The following CEMIP variants were observed in gnomAD, a reference collection of about 807,000 sequenced individuals.
CEMIP encodes the protein cell migration inducing hyaluronidase 1, also known as cell migration-inducing and hyaluronan-binding protein.
Under a neutral mutation model 156.9 loss-of-function variants are expected in CEMIP, and 105 were observed. That is an observed-to-expected ratio of 0.67 (90% CI 0.57 to 0.79). CEMIP has a LOEUF of 0.79. Among genes scored for constraint, CEMIP ranks in the 30% least tolerant of loss-of-function variants. CEMIP has a pLI of 0.00. For missense variants in CEMIP, 1,457 were observed against 1,769.4 expected (o/e 0.82, Z 3.17); for synonymous variants, 676 against 668.4 (o/e 1.01, Z -0.17).
At chr15:80,787,528 C>A (rs1168364203) in intron 1 of CEMIP, among the ~76,000 whole-genome samples, 1 of 152,202 alleles carries the variant, frequency 6.6e-6, no homozygotes, top group African/African-American at 2.4e-5. Context: ...AGCCCCCTGT[C>A]TGGAGGCCTT....
intron 23 of CEMIP, 53 bp downstream of exon 23, chr15:80,933,513 G>A (rs1390460144): frequency 7.2e-7 from 1 of 1,389,942 alleles, no homozygotes; most frequent in African/African-American, 1.4e-5. Context: ...CATGCAACAA[G>A]CATTCAGTGA....
intron 1 of CEMIP, among the ~76,000 whole-genome samples, chr15:80,804,799 A>G (rs995248523): frequency 2.0e-5 from 3 of 152,184 alleles, no homozygotes; most frequent in African/African-American, 7.2e-5. Flanking sequence ...ATAAGGGGAG[A>G]CAGAGTTCTT....
At chr15:80,901,777 G>A (rs1899568330) in intron 12 of CEMIP, among the ~76,000 whole-genome samples, 1 of 152,104 alleles carries the variant, frequency 6.6e-6, no homozygotes, top group Admixed American at 6.5e-5. Context: ...GGTGACTAGT[G>A]GCTACCATAC....
chr15:80,843,654 A>G (rs905113501), intron 1 of CEMIP, among the ~76,000 whole-genome samples: 1 of 152,230 alleles, frequency 6.6e-6, no homozygotes, highest in South Asian at 2.1e-4. Context: ...GTCATAGAAT[A>G]GTTCCTTCTA....
At chr15:80,893,834 CTTTT>C (rs1210932013) in intron 10 of CEMIP, among the ~76,000 whole-genome samples, 1 of 142,894 alleles carries the variant, frequency 7.0e-6, no homozygotes. Context: ...AAAGTCTCCT[CTTTT>C]TTTTTTTTTT....
At chr15:80,918,141 G>A (rs1307671601) in intron 14 of CEMIP, among the ~76,000 whole-genome samples, 2 of 152,154 alleles carry the variant, frequency 1.3e-5, no homozygotes, top group African/African-American at 4.8e-5. Flanking sequence ...CATTCGTGGT[G>A]GTGCAAACTT....
At chr15:80,892,025 C>A (rs1464956670) in intron 10 of CEMIP, among the ~76,000 whole-genome samples, 1 of 152,176 alleles carries the variant, frequency 6.6e-6, no homozygotes, top group Non-Finnish European at 1.5e-5. Context: ...AAACACAACT[C>A]CCCACATGCT....
intron 23 of CEMIP, among the ~76,000 whole-genome samples, chr15:80,935,250 T>C (rs1047083032): frequency 6.6e-6 from 1 of 152,166 alleles, no homozygotes; most frequent in African/African-American, 2.4e-5. Flanking sequence ...AGGACAGTCA[T>C]GTCCTGAATA....
In CEMIP at chr15:80,829,990, G is replaced by GTGTGTGTGTGTGTGTGTT. The variant is rs112056985; in HGVS notation, c.-175-43536_-175-43535insTGTGTTTGTGTGTGTGTG. Among the ~76,000 whole-genome samples, 60 of 149,286 alleles carry GTGTGTGTGTGTGTGTGTT rather than the reference G, an allele frequency of 4.0e-4. 1 individual carries two copies. The highest frequency in any genetic ancestry group is 1.3e-3 in the African/African-American group (54 of 40,048). On this transcript the variant is annotated intron_variant, in intron 1 of 29. Transcript: ENST00000394685. ...GGTGTGTGTGTGTGTGTGTGTGTGT[G>GTGTGTGTGTGTGTGTGTT]TGTGTGTGTGTGCGCGCATGTCCTT... is the stretch of plus-strand genomic sequence containing the variant.
At chr15:80,896,265 G>A (rs766876498) in intron 12 of CEMIP, 11 of 695,614 alleles carry the variant, frequency 1.6e-5, no homozygotes, top group Non-Finnish European at 2.6e-5. Context: ...TCTCTAGACT[G>A]AGCCTGACTC....
At chr15:80,821,141 T>A (rs149205318) in intron 1 of CEMIP, among the ~76,000 whole-genome samples, 406 of 152,314 alleles carry the variant, frequency 2.7e-3, no homozygotes, top group Non-Finnish European at 4.6e-3. Flanking sequence ...TTGGAGCACA[T>A]AATCTCACGG....
chr15:80,841,070 G>A (rs1897401879), intron 1 of CEMIP, among the ~76,000 whole-genome samples: 2 of 152,170 alleles, frequency 1.3e-5, no homozygotes, highest in South Asian at 4.1e-4. Flanking sequence ...GTCCTCTGAG[G>A]GGTAGGCTGT....
intron 1 of CEMIP, among the ~76,000 whole-genome samples, chr15:80,802,805 C>T (rs1439504347): frequency 1.3e-5 from 2 of 152,194 alleles, no homozygotes; most frequent in Non-Finnish European, 2.9e-5. Flanking sequence ...TGAACTTGGA[C>T]TAGCAACTTA....
At chr15:80,852,888 C>T (rs572193841) in intron 1 of CEMIP, among the ~76,000 whole-genome samples, 1 of 152,202 alleles carries the variant, frequency 6.6e-6, no homozygotes, top group South Asian at 2.1e-4. Context: ...AAGTAGCTCC[C>T]AATAGGCGCC....
rs969879277 is a variant in CEMIP, at chr15:80,900,454, C to G, written c.1411+4394C>G. On this transcript the variant is annotated intron_variant, in intron 12 of 29. Coordinates refer to ENST00000394685, the MANE Select transcript of CEMIP (RefSeq NM_001293298.2). ...TGTGCTTGTTTCCGCGTTAGCCCCA[C>G]CCCAGCCTACCTCCCTCCCTGAAGG... Among the ~76,000 whole-genome samples, 59 of 152,126 alleles carry G rather than the reference C, an allele frequency of 3.9e-4. 1 individual carries two copies. The highest frequency in any genetic ancestry group is 1.3e-3 in the African/African-American group (52 of 41,422).
intron 1 of CEMIP, among the ~76,000 whole-genome samples, chr15:80,808,534 G>A (rs1896574059): frequency 1.3e-5 from 2 of 152,068 alleles, no homozygotes; most frequent in Admixed American, 1.3e-4. Context: ...CCAGGATACA[G>A]TGGCATCATC....
At chr15:80,872,328 G>A (rs1287086113) in intron 1 of CEMIP, among the ~76,000 whole-genome samples, 2 of 152,284 alleles carry the variant, frequency 1.3e-5, no homozygotes, top group South Asian at 2.1e-4. Flanking sequence ...GCCAAAGCCC[G>A]TCTAAGTTCT....
At chr15:80,826,068 C>A (rs1016371213) in intron 1 of CEMIP, among the ~76,000 whole-genome samples, 8 of 152,318 alleles carry the variant, frequency 5.3e-5, no homozygotes, top group African/African-American at 1.9e-4. Flanking sequence ...CAACTCCATC[C>A]AATCATTTTC....
chr15:80,814,282 C>T (rs904033101), intron 1 of CEMIP, among the ~76,000 whole-genome samples: 1 of 152,000 alleles, frequency 6.6e-6, no homozygotes, highest in African/African-American at 2.4e-5. Context: ...ATCTCCTGAC[C>T]TCGTGATCCA....
Sources: allele counts gnomAD v4.1 joint callset (sites outside exome capture counted in the v4.1 genomes callset), GRCh38; gene constraint gnomAD v4.1.1; transcripts MANE v1.5; gene names NCBI Gene and HGNC (gene_info 2026-07-23, HGNC 2026-07-21).